The following KEAP1 variants were observed in gnomAD, a reference collection of about 807,000 sequenced individuals.
KEAP1 encodes kelch-like ECH-associated protein 1.
Under a neutral mutation model 59.7 loss-of-function variants are expected in KEAP1, and 26 were observed. The observed-to-expected ratio is 0.44, with a 90% CI of 0.32 to 0.60. The LOEUF is 0.60. KEAP1 is among the 20% of genes least tolerant of loss of function. KEAP1 has a pLI of 0.06. For synonymous variants in KEAP1, 350 were observed against 358.3 expected, an observed-to-expected ratio of 0.98 and a Z score of 0.26; for missense variants, 539 against 871.4, an observed-to-expected ratio of 0.62 and a Z score of 4.80.
chr19:10,501,258 G>GACA (rs1044118313), intron 1 of KEAP1, among the ~76,000 whole-genome samples: 1 of 151,692 alleles, frequency 6.6e-6, no homozygotes, highest in African/African-American at 2.4e-5. Context: ...TGTTTTTCGA[G>GACA]ACAGAGTCTC....
At chr19:10,501,324 G>A (rs1915036475) in intron 1 of KEAP1, among the ~76,000 whole-genome samples, 2 of 151,694 alleles carry the variant, frequency 1.3e-5, no homozygotes, top group African/African-American at 4.8e-5. Flanking sequence ...TGCAACCTCT[G>A]CCTCCCGAGT....
chr19:10,500,419 G>A (rs984906594), intron 1 of KEAP1, among the ~76,000 whole-genome samples: 1 of 152,142 alleles, frequency 6.6e-6, no homozygotes, highest in East Asian at 1.9e-4. Context: ...TCAGCAATCT[G>A]GCGGCCTTTC....
At chr19:10,493,528 C>T (rs1914750408) in intron 2 of KEAP1, among the ~76,000 whole-genome samples, 1 of 132,790 alleles carries the variant, frequency 7.5e-6, no homozygotes, top group African/African-American at 2.8e-5. Flanking sequence ...GATGGCATTT[C>T]TTCATGTTGG....
Position 10,491,827 on chromosome 19 carries a change from G to A in KEAP1, c.1075C>T (p.Gln359Ter), listed in dbSNP as rs1288826411. The change falls in exon 3 of 6, where the codon CAG (glutamine) becomes TAG (stop). Residue 359 changes from glutamine to a stop codon, truncating the protein, a stop_gained. Coordinates refer to ENST00000171111, the MANE Select transcript of KEAP1 (RefSeq NM_203500.2). LOFTEE classifies it high-confidence loss of function. This position sits in a 1 kb window ranked among gnomAD's most constrained non-coding sequence, Gnocchi z 5.2. ...CCGGCCAGGCCGCTCCGCGGCACCTGCAGGTCCGCCAACCGGAGCCAGGTG... is the reference window on the plus strand; with the variant it reads ...CCGGCCAGGCCGCTCCGCGGCACCTACAGGTCCGCCAACCGGAGCCAGGTG... ...DGTWLRLADLQVPRSGLAGCV... is the reference protein window; with the variant it reads ...DGTWLRLADL The A allele has an allele frequency of 6.2e-7, 1 of 1,604,998 alleles. No individual in the cohort carries two copies. The highest frequency in any genetic ancestry group is 1.3e-5 in the African/African-American group (1 of 74,852).
In KEAP1 at chr19:10,502,079, C is replaced by G. The variant is rs925501090; in HGVS notation, c.-48+1162G>C. ...TGGCAGGGAGACCTATGTAGGTCGG[C>G]GTCGGGCCAACCCTCTCCTGTGCCT... On this transcript the variant is annotated intron_variant, in intron 1 of 5. Transcript: ENST00000171111. This position sits in a 1 kb window ranked among gnomAD's most constrained non-coding sequence, Gnocchi z 4.0. Among the ~76,000 whole-genome samples the G allele has an allele frequency of 1.3e-5, 2 of 152,202 alleles. No homozygotes were observed. The highest frequency in any genetic ancestry group is 4.8e-5 in the African/African-American group (2 of 41,454).
chr19:10,491,639 G>T lies in KEAP1; in HGVS notation c.1263C>A (p.Ile421=), dbSNP rs771836406. ...CGCCGACGGCATAGATGTGGCCATC[G>T]ATGACCCCCACCCCGATGCGGTTAC... is the stretch of plus-strand genomic sequence containing the variant. The part of the protein sequence containing the change: ...VPRNRIGVGV[I]DGHIYAVGGS... The change falls in exon 3 of 6, where the codon ATC becomes ATA. Residue 421 remains isoleucine, a synonymous_variant. Coordinates refer to ENST00000171111, the MANE Select transcript of KEAP1 (RefSeq NM_203500.2). This position sits in a 1 kb window ranked among gnomAD's most constrained non-coding sequence, Gnocchi z 5.2. The T allele has an allele frequency of 1.3e-6, 2 of 1,594,366 alleles. No homozygotes were observed. The highest frequency in any genetic ancestry group is 1.1e-5 in the South Asian group (1 of 87,908).
rs762888681 is a variant in KEAP1, at chr19:10,491,912, G to C, written c.990C>G (p.Thr330=). The change falls in exon 3 of 6, where the codon ACC becomes ACG. Residue 330 remains threonine (T), a synonymous_variant. Transcript: ENST00000171111. This position sits in a 1 kb window ranked among gnomAD's most constrained non-coding sequence, Gnocchi z 5.2. ...RAPKVGRLIY[T]AGGYFRQSLS... ...GCGACTGTCGGAAGTAGCCGCCCGC[G>C]GTGTAGATCAGGCGGCCCACCTTGG... 6.2e-7 allele frequency: 1 copy of C among 1,613,512 alleles called. No individual in the cohort carries two copies. Among genetic ancestry groups the C allele is most frequent in the South Asian group, 1.1e-5 (1 of 91,066 alleles).
chr19:10,500,988 A>G (rs1326600086), intron 1 of KEAP1, among the ~76,000 whole-genome samples: 1 of 152,126 alleles, frequency 6.6e-6, no homozygotes, highest in East Asian at 1.9e-4. Context: ...CCCGGGGTGC[A>G]GTTTTTTAAA....
Position 10,491,345 on chromosome 19 carries a change from G to A in KEAP1, c.1325+232C>T, listed in dbSNP as rs953353130. Among the ~76,000 whole-genome samples, 2 of 152,046 alleles carry A rather than the reference G, an allele frequency of 1.3e-5. No homozygotes were observed. The highest frequency in any genetic ancestry group is 2.4e-5 in the African/African-American group (1 of 41,406). On this transcript the variant is annotated intron_variant, in intron 3 of 5. Transcript: ENST00000171111. This position sits in a 1 kb window ranked among gnomAD's most constrained non-coding sequence, Gnocchi z 5.2. ...AACTGATGGAACATTTTCCAACTCC[G>A]CACAAAGGAACCATATGGGTTTGTG... is the stretch of plus-strand genomic sequence containing the variant.
At chr19:10,493,309 C>A (rs1045164532) in intron 2 of KEAP1, among the ~76,000 whole-genome samples, 1 of 151,732 alleles carries the variant, frequency 6.6e-6, no homozygotes, top group East Asian at 2.0e-4. Flanking sequence ...CAGGCGCCCG[C>A]GACCACGCCC....
chr19:10,496,502 CAA>C (rs111471665), intron 2 of KEAP1, among the ~76,000 whole-genome samples: 37 of 128,286 alleles, frequency 2.9e-4, no homozygotes, highest in African/African-American at 6.4e-4. Context: ...CCCCCACCCC[CAA>C]AAAAAAAAAA....
rs1165010016 is a variant in KEAP1, at chr19:10,486,477, A to G, written c.*175T>C. ...CTCCCGGGGCTCCGCTGAGGGGCAC[A>G]TGATTCCCGCTTTGGACTTCTTTTG... On this transcript the variant is annotated 3_prime_UTR_variant, in exon 6 of 6. Coordinates refer to ENST00000171111, the MANE Select transcript of KEAP1 (RefSeq NM_203500.2). 14 of 702,978 alleles carry G rather than the reference A, an allele frequency of 2.0e-5. No individual in the cohort carries two copies. The highest frequency in any genetic ancestry group is 3.4e-5 in the Non-Finnish European group (14 of 410,686). The allele number at this position is 702,978 out of a possible 1,614,324, so 43.5% of individuals were successfully genotyped here.
intron 3 of KEAP1, 104 bp from the exon 4 acceptor site, chr19:10,489,957 A>G (rs2144592112): frequency 8.6e-7 from 1 of 1,162,628 alleles, no homozygotes; most frequent in Non-Finnish European, 1.2e-6. Context: ...TTTCCCCCTT[A>G]AAGAGACAGG....
At chr19:10,487,427 C>T (rs578013091) in intron 5 of KEAP1, among the ~76,000 whole-genome samples, 5 of 152,210 alleles carry the variant, frequency 3.3e-5, no homozygotes, top group African/African-American at 9.6e-5. Flanking sequence ...GAGGCCGAGG[C>T]GGGCAGATCA....
At chr19:10,495,166 ATT>A (rs1914812087) in intron 2 of KEAP1, among the ~76,000 whole-genome samples, 1 of 151,444 alleles carries the variant, frequency 6.6e-6, no homozygotes, top group Non-Finnish European at 1.5e-5. Flanking sequence ...GTCTGAGTTT[ATT>A]TTTTAAGAGA....
chr19:10,495,560 T>C (rs1914822856), intron 2 of KEAP1, among the ~76,000 whole-genome samples: 1 of 151,916 alleles, frequency 6.6e-6, no homozygotes. Flanking sequence ...TAGCCAGCTG[T>C]GGTGGTGGGC....
rs2144600322 is a variant in KEAP1 at position 10,491,882 on chromosome 19, G to T, written c.1020C>A (p.Ser340Arg). Residue 340 changes from serine to arginine, a missense_variant, in exon 3 of 6, where the codon AGC becomes AGA. Physicochemically the swap from Ser to Arg is moderately radical, Grantham distance 110. Transcript: ENST00000171111. This position sits in a 1 kb window ranked among gnomAD's most constrained non-coding sequence, Gnocchi z 5.2. ...CACTGGGGTTGTAAGCCTCCAGGTA[G>T]CTGAGCGACTGTCGGAAGTAGCCGC... Reference protein sequence around the residue: ...TAGGYFRQSLSYLEAYNPSDG... With the variant: ...TAGGYFRQSLRYLEAYNPSDG... The T allele has an allele frequency of 6.2e-7, 1 of 1,613,302 alleles. No individual in the cohort carries two copies. Among genetic ancestry groups the T allele is most frequent in the Non-Finnish European group, 8.5e-7 (1 of 1,179,766 alleles).
intron 2 of KEAP1, among the ~76,000 whole-genome samples, chr19:10,498,699 G>A (rs904709087): frequency 1.3e-5 from 2 of 152,128 alleles, no homozygotes. Context: ...GGATTTGGCT[G>A]CTGTTCACTG....
Position 10,489,313 on chromosome 19 carries a change from G to A in KEAP1, c.1587C>T (p.Asp529=), listed in dbSNP as rs760882669. The A allele has an allele frequency of 2.5e-6, 4 of 1,613,888 alleles. No individual in the cohort carries two copies. Among genetic ancestry groups the A allele is most frequent in the African/African-American group, 1.3e-5 (1 of 74,868 alleles). The change falls in exon 5 of 6, where the codon GAC becomes GAT. Residue 529 remains aspartate, a synonymous_variant. Coordinates refer to ENST00000171111, the MANE Select transcript of KEAP1 (RefSeq NM_203500.2). ...CGTAGCGCTCCACGCTGTTCAGCTG[G>A]TCCTGACCATCATAGCCCCCAGCAG... ...IYAAGGYDGQ[D]QLNSVERYDV... is the part of the protein sequence containing the mutation.
Sources: allele counts gnomAD v4.1 joint callset (sites outside exome capture counted in the v4.1 genomes callset), GRCh38; gene constraint gnomAD v4.1.1; non-coding constraint Gnocchi (gnomAD v3.1); transcripts MANE v1.5; gene names NCBI Gene and HGNC (gene_info 2026-07-23, HGNC 2026-07-21).